Variants in DST observed in about 807,000 individuals in gnomAD.
DST encodes the protein bullous pemphigoid antigen.
DST carries 253 observed loss-of-function variants against 875.2 expected under a neutral mutation model. The ratio of observed to expected loss-of-function variants is 0.29; its 90% CI spans 0.26 to 0.32. The LOEUF (loss-of-function observed/expected upper bound fraction) is 0.32, where lower values mean the gene tolerates loss of function less well. Among genes scored for constraint, DST ranks in the 10% least tolerant of loss-of-function variants. The pLI is 1.00. For missense variants in DST, 8,287 were observed against 9,111.6 expected, an observed-to-expected ratio of 0.91 and a Z score of 3.68; for synonymous variants, 3,124 against 3,197.1, an observed-to-expected ratio of 0.98 and a Z score of 0.77.
chr6:56,871,564 C>A, intron 3 of DST: 1 of 989,620 alleles, frequency 1.0e-6, no homozygotes, highest in Non-Finnish European at 1.6e-6. Flanking sequence ...GCACCTAAGA[C>A]ACACTGCTGG....
At position 56,608,308 on chromosome 6, in the gene DST, A is replaced by C; in HGVS notation, c.6320T>G (p.Ile2107Arg). The C allele has an allele frequency of 4.3e-6, 7 of 1,613,312 alleles. No homozygotes were observed. The highest frequency in any genetic ancestry group is 5.9e-6 in the Non-Finnish European group (7 of 1,179,802). ...ACTTTCTGGAATATAAAGAGCAGCTATTTTTTGTCTGCCATTCAGGATTTT... is the reference window on the plus strand; with the variant it reads ...ACTTTCTGGAATATAAAGAGCAGCTCTTTTTTGTCTGCCATTCAGGATTTT... ...AYKILNGRQK[I>R]AALYIPESSQ... The change falls in exon 40 of 104, where the codon ATA (isoleucine) becomes AGA (arginine). Residue 2107 changes from isoleucine (I) to arginine (R), a missense_variant. By Grantham distance (97) the Ile-to-Arg change is moderately conservative. Around this residue, in one of 10 missense-constraint regions of DST, gnomAD observed 3,138 missense variants for 3,116.6 expected, o/e 1.01. Transcript: ENST00000680361.
At chr6:56,709,656 T>C (rs1482151178) in intron 5 of DST, among the ~76,000 whole-genome samples, 1 of 152,218 alleles carries the variant, frequency 6.6e-6, no homozygotes, top group Non-Finnish European at 1.5e-5. Context: ...CATTCATCCG[T>C]CATATGCCAG....
intron 98 of DST, chr6:56,466,683 T>C (rs1297952911): frequency 6.6e-6 from 1 of 152,220 alleles, no homozygotes; most frequent in African/African-American, 2.4e-5. Flanking sequence ...ATAAACTCAT[T>C]TTCTTTTCTG....
At chr6:56,599,937 G>C (rs1004557475) in intron 45 of DST, 132 bp downstream of exon 45, 4 of 723,958 alleles carry the variant, frequency 5.5e-6, no homozygotes, top group African/African-American at 5.4e-5. Flanking sequence ...CTCAAGCCCA[G>C]GGCGTCTTGG....
At chr6:56,624,895 G>A (rs1435416996) in intron 35 of DST, among the ~76,000 whole-genome samples, 2 of 151,874 alleles carry the variant, frequency 1.3e-5, no homozygotes, top group Non-Finnish European at 2.9e-5. Context: ...CATTTTTAAA[G>A]GGTTTTTAAA....
intron 22 of DST, chr6:56,638,895 G>C (rs1274721558): frequency 3.1e-6 from 1 of 323,178 alleles, no homozygotes; most frequent in Non-Finnish European, 5.8e-6. Flanking sequence ...CTATGGATTA[G>C]AGGTAATCTC....
chr6:56,573,987 A>G, intron 50 of DST, 100 bp from the exon 51 acceptor site: 1 of 832,438 alleles, frequency 1.2e-6, no homozygotes, highest in Non-Finnish European at 1.8e-6. Context: ...CACACAAAAA[A>G]TTTAAAAAAT....
At chr6:56,786,246 T>G (rs1030831145) in intron 4 of DST, among the ~76,000 whole-genome samples, 1 of 152,230 alleles carries the variant, frequency 6.6e-6, no homozygotes, top group Admixed American at 6.5e-5. Context: ...TGTTACAAAA[T>G]GTAGTCTTTA....
intron 69 of DST, among the ~76,000 whole-genome samples, chr6:56,519,223 T>A (rs992759544): frequency 3.9e-5 from 6 of 152,050 alleles, no homozygotes; most frequent in Admixed American, 6.6e-5. Flanking sequence ...ACAAGCCTGC[T>A]CTCTCTAGCC....
chr6:56,851,376 C>A (rs1401095910), intron 4 of DST, 21 bp downstream of exon 4: 9 of 1,608,680 alleles, frequency 5.6e-6, no homozygotes, highest in Non-Finnish European at 7.6e-6. Context: ...CCACTCCATC[C>A]CCTTCCCCAG....
chr6:56,717,318 G>A (rs574859290), intron 5 of DST, among the ~76,000 whole-genome samples: 4 of 152,144 alleles, frequency 2.6e-5, no homozygotes, highest in Non-Finnish European at 4.4e-5. Flanking sequence ...AGGAGGTGGA[G>A]CTCAGGTGAT....
intron 4 of DST, among the ~76,000 whole-genome samples, chr6:56,804,408 G>T (rs887458259): frequency 2.0e-5 from 3 of 151,974 alleles, no homozygotes; most frequent in South Asian, 2.1e-4. Flanking sequence ...TAACTGTTTT[G>T]GTATTACTAA....
intron 4 of DST, among the ~76,000 whole-genome samples, chr6:56,802,115 T>C (rs1209131608): frequency 1.3e-5 from 2 of 152,206 alleles, no homozygotes; most frequent in African/African-American, 4.8e-5. Flanking sequence ...TCTACTACCA[T>C]TTCTATTTTT....
intron 61 of DST, among the ~76,000 whole-genome samples, chr6:56,545,801 T>C (rs1489479714): frequency 1.3e-5 from 2 of 152,184 alleles, no homozygotes; most frequent in Admixed American, 6.5e-5. Flanking sequence ...TATCAATGAA[T>C]AACTCTTGGC....
At chr6:56,598,937 C>T (rs759102069) in intron 45 of DST, among the ~76,000 whole-genome samples, 3 of 152,120 alleles carry the variant, frequency 2.0e-5, no homozygotes, top group Middle Eastern at 6.8e-3. Flanking sequence ...CGAAAGAATG[C>T]AGTCAGTGAA....
In DST at chr6:56,641,990, G is replaced by C. The variant is rs374870885; in HGVS notation, c.1984C>G (p.Leu662Val). The C allele has an allele frequency of 1.9e-6, 3 of 1,613,308 alleles. No homozygotes were observed. The African/African-American group carries it at 4.0e-5, about 22-fold the overall frequency. ...LRQHVIDVQI[L>V]IDGKYYQADQ... The stretch of plus-strand genomic sequence containing the variant: ...GCCTGGTAGTATTTTCCATCAATAA[G>C]AATCTGTACATCAATTACATGCTGG... Residue 662 changes from leucine to valine, a missense_variant, in exon 17 of 104, where the codon CTT becomes GTT. Transcript: ENST00000680361.
chr6:56,779,799 T>C (rs888809437), intron 4 of DST, among the ~76,000 whole-genome samples: 3 of 151,020 alleles, frequency 2.0e-5, no homozygotes, highest in Non-Finnish European at 4.4e-5. Flanking sequence ...TATGTATACA[T>C]GTGCCATGCT....
intron 36 of DST, chr6:56,616,123 A>T: frequency 6.2e-7 from 1 of 1,614,228 alleles, no homozygotes; most frequent in Non-Finnish European, 8.5e-7. Flanking sequence ...AATACCCTGC[A>T]ACAGGACTGT....
Position 56,576,465 on chromosome 6 carries a change from C to T in DST, c.13027+2349G>A, listed in dbSNP as rs562087715. Among the ~76,000 whole-genome samples, 12 of 152,188 alleles carry T rather than the reference C, an allele frequency of 7.9e-5. No individual in the cohort carries two copies. In the South Asian group the frequency reaches 2.3e-3, roughly 29 times the overall value. On this transcript the variant is annotated intron_variant, in intron 50 of 103. Coordinates refer to ENST00000680361, the MANE Select transcript of DST (RefSeq NM_001374736.1). ...GGGGGCAGCATTATGAGACTGACCC[C>T]TTAACCTGTGGGGTCTGAAGCTAAT... is the stretch of plus-strand genomic sequence containing the variant.
Sources: gnomAD v4.1 joint callset for allele counts (sites outside exome capture counted in the v4.1 genomes callset) on GRCh38, gnomAD v4.1.1 for gene constraint, gnomAD v4.1.1 regional missense constraint, MANE v1.5 for transcripts, NCBI Gene and HGNC (gene_info 2026-07-23, HGNC 2026-07-21) for gene names.